Variants in USP34 observed in about 807,000 individuals in gnomAD.
USP34 encodes the protein ubiquitin specific peptidase 34, also known as ubiquitin carboxyl-terminal hydrolase 34.
A neutral mutation model predicts 460.3 loss-of-function variants in USP34; 70 were observed. That is an observed-to-expected ratio of 0.15 (90% CI 0.13 to 0.19). The LOEUF is 0.19. Ranked by LOEUF, USP34 falls within the 10% of genes least tolerant of loss-of-function variation. USP34 has a pLI of 1.00. For synonymous variants in USP34, 1,647 were observed against 1,405.3 expected (o/e 1.17, Z -3.85); for missense variants, 3,985 against 4,236.2 (o/e 0.94, Z 1.65).
At position 61,416,821 on chromosome 2, in the gene USP34, T is replaced by TTGGG. The variant is rs770675371; in HGVS notation, c.131+3924_131+3925insCCCA. The TTGGG allele has an allele frequency of 2.3e-3, 511 of 219,196 alleles. 2 individuals carry two copies. The highest frequency in any genetic ancestry group is 3.2e-3 in the South Asian group (26 of 8,044). The allele number at this position is 219,196 out of a possible 1,614,324, so 13.6% of individuals were successfully genotyped here. A position where few individuals can be genotyped will look rare whatever the true frequency, so the allele number is the denominator to read the frequency against. ...TTAACCTCCCTAATCTTTTTTTTTT[T>TTGGG]GGGGGGGGGGACAGGAAGTAGAATG... On this transcript the variant is annotated intron_variant, in intron 2 of 79. Coordinates refer to ENST00000398571, the MANE Select transcript of USP34 (RefSeq NM_014709.4).
intron 8 of USP34, among the ~76,000 whole-genome samples, chr2:61,374,462 G>A (rs1572979673): frequency 6.6e-6 from 1 of 152,142 alleles, no homozygotes; most frequent in Non-Finnish European, 1.5e-5. Context: ...GGCACTCACA[G>A]ACATGCACAT....
chr2:61,348,895 A>G lies in USP34; in HGVS notation c.1544-9T>C, dbSNP rs1192288555. ...ACTAGCTGCAGGTGACCCTATATAAAATACATTTTTTGTTTTTACTTCTAA... is the reference window on the plus strand; with the variant it reads ...ACTAGCTGCAGGTGACCCTATATAAGATACATTTTTTGTTTTTACTTCTAA... On this transcript the variant is annotated splice_polypyrimidine_tract_variant and intron_variant, in intron 13 of 79. Coordinates refer to ENST00000398571, the MANE Select transcript of USP34 (RefSeq NM_014709.4). 3 of 1,590,958 alleles carry G rather than the reference A, an allele frequency of 1.9e-6. No individual in the cohort carries two copies. In the South Asian group the frequency reaches 3.5e-5, roughly 18 times the overall value.
chr2:61,421,805 G>A (rs999247544), intron 1 of USP34, among the ~76,000 whole-genome samples: 6 of 151,958 alleles, frequency 3.9e-5, no homozygotes, highest in African/African-American at 1.2e-4. Flanking sequence ...ACACGCGCGC[G>A]CGCGCACCTT....
intron 33 of USP34, among the ~76,000 whole-genome samples, chr2:61,291,077 T>G (rs971087338): frequency 5.3e-5 from 8 of 152,154 alleles, no homozygotes; most frequent in Non-Finnish European, 1.2e-4. Context: ...AAGGAATCAG[T>G]ATCTGAAATA....
intron 5 of USP34, among the ~76,000 whole-genome samples, chr2:61,388,847 A>C (rs1693252528): frequency 6.6e-6 from 1 of 152,094 alleles, no homozygotes; most frequent in African/African-American, 2.4e-5. Context: ...CATCCAAATT[A>C]AATGCACACA....
chr2:61,405,574 G>C (rs759360016), intron 3 of USP34, 134 bp downstream of exon 3: 1 of 920,738 alleles, frequency 1.1e-6, no homozygotes, highest in Non-Finnish European at 1.6e-6. Flanking sequence ...ATGCTCTGGA[G>C]AAACATTAAA....
intron 70 of USP34, 121 bp downstream of exon 70, chr2:61,208,778 T>C (rs890797957): frequency 2.4e-5 from 13 of 538,772 alleles, no homozygotes; most frequent in African/African-American, 2.1e-4. Context: ...CTGATCTATA[T>C]AATTAAAACC....
intron 76 of USP34, 100 bp from the exon 77 acceptor site, chr2:61,190,758 GAA>G: frequency 1.4e-6 from 2 of 1,384,414 alleles, no homozygotes; most frequent in Non-Finnish European, 1.9e-6. Context: ...GTGTATGATG[GAA>G]TCTGAAGCCA....
chr2:61,202,003 C>G (rs1572831144), intron 75 of USP34, among the ~76,000 whole-genome samples: 1 of 152,102 alleles, frequency 6.6e-6, no homozygotes, highest in South Asian at 2.1e-4. Flanking sequence ...ATTCTCATCC[C>G]CCTACATCTT....
At chr2:61,241,451 C>A in intron 53 of USP34, 109 bp downstream of exon 53, 1 of 690,110 alleles carries the variant, frequency 1.4e-6, no homozygotes, top group Non-Finnish European at 2.4e-6. Context: ...TTAAGATCTA[C>A]TCAGAATTGC....
intron 3 of USP34, among the ~76,000 whole-genome samples, chr2:61,404,411 T>C (rs530770770): frequency 1.3e-5 from 2 of 152,290 alleles, no homozygotes; most frequent in East Asian, 3.9e-4. Flanking sequence ...CACTACCCCT[T>C]TGAATCTGGG....
chr2:61,317,481 C>A (rs1015396213), intron 23 of USP34, among the ~76,000 whole-genome samples, 173 bp downstream of exon 23: 2 of 152,174 alleles, frequency 1.3e-5, no homozygotes, highest in African/African-American at 4.8e-5. Context: ...GAGCTGAGAT[C>A]ACACCACTGC....
chr2:61,331,154 T>C, intron 20 of USP34, 122 bp downstream of exon 20: 2 of 829,946 alleles, frequency 2.4e-6, no homozygotes, highest in Middle Eastern at 6.1e-4. Context: ...CATAATTTTA[T>C]ACAAATAAAG....
chr2:61,368,354 C>A (rs1692502627), intron 10 of USP34, among the ~76,000 whole-genome samples: 1 of 152,066 alleles, frequency 6.6e-6, no homozygotes, highest in South Asian at 2.1e-4. Flanking sequence ...ATCCTTTGAA[C>A]CCGGGAGGCA....
rs1475564726 is a variant in USP34, at chr2:61,311,924, C to T, written c.3543-14G>A. Reference sequence around the variant, plus strand: ...TGATATGCAAACCTAAAACATGACACAAACAACACATAGAAAGGATACCAT... The same window carrying T: ...TGATATGCAAACCTAAAACATGACATAAACAACACATAGAAAGGATACCAT... On this transcript the variant is annotated splice_polypyrimidine_tract_variant and intron_variant, in intron 25 of 79. Transcript: ENST00000398571. The T allele has an allele frequency of 1.2e-6, 2 of 1,610,052 alleles. No individual in the cohort carries two copies. Among genetic ancestry groups the T allele is most frequent in the Non-Finnish European group, 1.7e-6 (2 of 1,179,062 alleles).
chr2:61,232,373 C>A, intron 58 of USP34, 79 bp downstream of exon 58: 1 of 1,205,636 alleles, frequency 8.3e-7, no homozygotes, highest in Non-Finnish European at 1.2e-6. Flanking sequence ...TTAAGACACA[C>A]TTATAAGCAA....
intron 1 of USP34, among the ~76,000 whole-genome samples, chr2:61,464,341 TA>T (rs1695700015): frequency 6.6e-6 from 1 of 151,086 alleles, no homozygotes; most frequent in East Asian, 2.0e-4. Flanking sequence ...ACCAACAAAA[TA>T]AACACAACAG....
At chr2:61,342,451 C>T (rs1180343460) in intron 16 of USP34, among the ~76,000 whole-genome samples, 1 of 151,610 alleles carries the variant, frequency 6.6e-6, no homozygotes, top group Admixed American at 6.6e-5. Context: ...CAGGTGAGCA[C>T]CACCATACGC....
chr2:61,406,166 G>A, intron 2 of USP34, 38 bp from the exon 3 acceptor site: 2 of 1,421,350 alleles, frequency 1.4e-6, no homozygotes, highest in Non-Finnish European at 1.9e-6. Context: ...TAGTAATAAA[G>A]CAGCAGCTGT....
Sources: allele counts gnomAD v4.1 joint callset (sites outside exome capture counted in the v4.1 genomes callset), GRCh38; gene constraint gnomAD v4.1.1; transcripts MANE v1.5; gene names NCBI Gene and HGNC (gene_info 2026-07-23, HGNC 2026-07-21).